DGKI: variants seen among roughly 807,000 people sequenced by gnomAD.
The protein encoded by DGKI is diacylglycerol kinase iota.
DGKI carries 55 observed loss-of-function variants against 147.5 expected under a neutral mutation model. That is an observed-to-expected ratio of 0.37 (90% CI 0.30 to 0.47). The LOEUF is 0.47. Among genes scored for constraint, DGKI ranks in the 20% least tolerant of loss-of-function variants. The pLI, the probability that DGKI is intolerant of heterozygous loss-of-function variation, is 1.00. For missense variants in DGKI, 1,007 were observed against 1,323.8 expected, an observed-to-expected ratio of 0.76 and a Z score of 3.71; for synonymous variants, 469 against 477.1, an observed-to-expected ratio of 0.98 and a Z score of 0.22.
chr7:137,581,000 T>C (rs1819169127), intron 15 of DGKI, among the ~76,000 whole-genome samples: 1 of 152,044 alleles, frequency 6.6e-6, no homozygotes, highest in African/African-American at 2.4e-5. Context: ...GGCATAGACA[T>C]GGATATATAG....
chr7:137,442,957 T>G (rs902365505), intron 28 of DGKI, among the ~76,000 whole-genome samples: 15 of 152,042 alleles, frequency 9.9e-5, no homozygotes, highest in African/African-American at 3.6e-4. Flanking sequence ...GAGGATGAGG[T>G]GAGGTGCATA....
At chr7:137,721,906 C>A in intron 1 of DGKI, 1 of 866,858 alleles carries the variant, frequency 1.2e-6, no homozygotes, top group Non-Finnish European at 1.7e-6. Context: ...TAATTCCAAT[C>A]CTCCATCAAG....
chr7:137,595,457 T>C (rs1210287412), intron 12 of DGKI, among the ~76,000 whole-genome samples: 1 of 152,200 alleles, frequency 6.6e-6, no homozygotes, highest in East Asian at 1.9e-4. Flanking sequence ...TTCTTGAAAC[T>C]CCTTTTTTGG....
intron 19 of DGKI, among the ~76,000 whole-genome samples, chr7:137,560,422 A>G (rs1181852458): frequency 6.6e-6 from 1 of 152,130 alleles, no homozygotes; most frequent in Non-Finnish European, 1.5e-5. Context: ...TTCGTTGGGG[A>G]AAAAAATAAA....
In DGKI at chr7:137,458,926, G is replaced by A. The variant is rs560711839; in HGVS notation, c.2735+4563C>T. On this transcript the variant is annotated intron_variant, in intron 27 of 32. Coordinates refer to ENST00000614521, the MANE Select transcript of DGKI (RefSeq NM_001321708.2). ...AGAAAAAATCATTATGGTCCCAGCA[G>A]TAATAATGTCAGTCAACCACTTCTC... 8.5e-5 allele frequency among the ~76,000 whole-genome samples: 13 copies of A among 152,262 alleles called. No individual in the cohort carries two copies. In the South Asian group the frequency reaches 2.5e-3, roughly 29 times the overall value.
intron 6 of DGKI, among the ~76,000 whole-genome samples, chr7:137,636,880 A>G (rs1333160428): frequency 6.6e-6 from 1 of 152,122 alleles, no homozygotes; most frequent in Non-Finnish European, 1.5e-5. Flanking sequence ...CTCTACACTC[A>G]GGGCTCCTCC....
intron 12 of DGKI, among the ~76,000 whole-genome samples, chr7:137,590,513 A>T (rs973122716): frequency 2.0e-5 from 3 of 152,262 alleles, no homozygotes; most frequent in Non-Finnish European, 4.4e-5. Context: ...AATTAAATAA[A>T]ACAACTTCCT....
intron 28 of DGKI, among the ~76,000 whole-genome samples, chr7:137,439,896 G>A (rs1813428228): frequency 6.6e-6 from 1 of 152,202 alleles, no homozygotes; most frequent in Non-Finnish European, 1.5e-5. Context: ...GCAGCAGATT[G>A]CTGGCACTTT....
rs76342357 is a variant in DGKI at position 137,403,264 on chromosome 7, G to A, written c.2920+4611C>T. Among the ~76,000 whole-genome samples, 280 of 152,228 alleles carry A rather than the reference G, an allele frequency of 1.8e-3. 7 individuals are homozygous for A. In the East Asian group the frequency reaches 0.043, roughly 24 times the overall value. ...GTCCAAATTCCAGTTTTTCATAAAG[G>A]AAAGCAGCATGCTGTATAGATGAGA... On this transcript the variant is annotated intron_variant, in intron 30 of 32. Transcript: ENST00000614521.
intron 1 of DGKI, among the ~76,000 whole-genome samples, chr7:137,759,732 C>T (rs1241927684): frequency 6.6e-6 from 1 of 152,160 alleles, no homozygotes; most frequent in East Asian, 1.9e-4. Flanking sequence ...AAATTCTTAA[C>T]TAATTACAGG....
intron 25 of DGKI, among the ~76,000 whole-genome samples, 178 bp from the exon 26 acceptor site, chr7:137,466,213 G>T (rs1253795852): frequency 6.6e-6 from 1 of 152,270 alleles, no homozygotes; most frequent in East Asian, 1.9e-4. Flanking sequence ...AGGGAGAGAT[G>T]AATCCCCTTG....
chr7:137,762,693 A>G (rs1177748161), intron 1 of DGKI, among the ~76,000 whole-genome samples: 1 of 152,154 alleles, frequency 6.6e-6, no homozygotes, highest in Non-Finnish European at 1.5e-5. Flanking sequence ...GCTCGGTTCA[A>G]TAGCTCTCCC....
intron 20 of DGKI, among the ~76,000 whole-genome samples, chr7:137,551,400 C>T (rs762195331): frequency 2.6e-5 from 4 of 152,104 alleles, no homozygotes; most frequent in East Asian, 1.9e-4. Flanking sequence ...TGGCAAAGCA[C>T]GCCCTTGCTT....
At chr7:137,450,882 G>T (rs1030664251) in intron 27 of DGKI, among the ~76,000 whole-genome samples, 6 of 151,428 alleles carry the variant, frequency 4.0e-5, no homozygotes, top group Non-Finnish European at 7.4e-5. Context: ...TATTAACCCT[G>T]CTTATGAGAA....
At chr7:137,608,560 G>A (rs1820259823) in intron 10 of DGKI, among the ~76,000 whole-genome samples, 1 of 152,126 alleles carries the variant, frequency 6.6e-6, no homozygotes, top group Admixed American at 6.6e-5. Flanking sequence ...CTTCTCTGAG[G>A]ATAGGGATGA....
chr7:137,800,347 G>A (rs1797159478), intron 1 of DGKI, among the ~76,000 whole-genome samples: 1 of 152,142 alleles, frequency 6.6e-6, no homozygotes, highest in Admixed American at 6.5e-5. Flanking sequence ...AGGCGTTTGG[G>A]TCATGGGGGC....
intron 8 of DGKI, among the ~76,000 whole-genome samples, chr7:137,613,162 T>C (rs760780550): frequency 1.3e-5 from 2 of 152,134 alleles, no homozygotes; most frequent in Admixed American, 1.3e-4. Context: ...CACAAATGAC[T>C]GGTTATAATA....
At chr7:137,735,058 G>A (rs2116680780) in intron 1 of DGKI, among the ~76,000 whole-genome samples, 1 of 152,114 alleles carries the variant, frequency 6.6e-6, no homozygotes. Context: ...TCTCTTCACT[G>A]ATTTCCCTGT....
rs1231003410 is a variant in DGKI at position 137,846,157 on chromosome 7, TCTCTCACACACACA to T, written c.401+291_401+304del. Among the ~76,000 whole-genome samples the T allele has an allele frequency of 2.9e-5, 4 of 138,516 alleles. No homozygotes were observed. Among genetic ancestry groups the T allele is most frequent in the African/African-American group, 1.2e-4 (4 of 33,862 alleles). 90.9% of individuals were successfully genotyped at this position (138,516 alleles called of 152,430 possible). A position where few individuals can be genotyped will look rare whatever the true frequency, so the allele number is the denominator to read the frequency against. ...CTTTCTCTCTCTCTCTCTCTCTCTC[TCTCTCACACACACA>T]CACACACACACACACACACACACAC... On this transcript the variant is annotated intron_variant, in intron 1 of 32. Coordinates refer to ENST00000614521, the MANE Select transcript of DGKI (RefSeq NM_001321708.2). The surrounding 1 kb of genome is among the most constrained non-coding windows in gnomAD (Gnocchi z 4.0).
Sources: gnomAD v4.1 joint callset for allele counts (sites outside exome capture counted in the v4.1 genomes callset) on GRCh38, gnomAD v4.1.1 for gene constraint, Gnocchi (gnomAD v3.1) non-coding constraint, MANE v1.5 for transcripts, NCBI Gene and HGNC (gene_info 2026-07-23, HGNC 2026-07-21) for gene names.